C4BPA: variants seen among roughly 807,000 people sequenced by gnomAD.
C4BPA encodes the protein complement component 4 binding protein alpha.
Under a neutral mutation model 63.7 loss-of-function variants are expected in C4BPA, and 31 were observed. The observed-to-expected ratio is 0.49, with a 90% CI of 0.37 to 0.66. C4BPA has a LOEUF of 0.66. C4BPA is among the 30% of genes least tolerant of loss of function. C4BPA has a pLI of 0.00. For missense variants in C4BPA, 572 were observed against 723.3 expected, an observed-to-expected ratio of 0.79 and a Z score of 2.40; for synonymous variants, 259 against 254.7, an observed-to-expected ratio of 1.02 and a Z score of -0.16.
rs367987103 is a variant in C4BPA at position 207,144,139 on chromosome 1, G to A, written c.1620+146G>A. 5.6e-5 allele frequency: 35 copies of A among 621,646 alleles called. No homozygotes were observed. The East Asian group carries it at 6.6e-4, about 12-fold the overall frequency. The allele number at this position is 621,646 out of a possible 1,614,324, so 38.5% of individuals were successfully genotyped here. A position where few individuals can be genotyped will look rare whatever the true frequency, so the allele number is the denominator to read the frequency against. On this transcript the variant is annotated intron_variant, in intron 11 of 11. Coordinates refer to ENST00000367070, the MANE Select transcript of C4BPA (RefSeq NM_000715.4). ...ACTCCCACTCAAAGAAACTCTTTTT[G>A]TCTTGAAGCATTCTGGTAAGTTAGG...
chr1:207,133,419 A>G (rs779037764), intron 8 of C4BPA, among the ~76,000 whole-genome samples: 7 of 152,184 alleles, frequency 4.6e-5, no homozygotes, highest in East Asian at 1.9e-4. Context: ...AAGTATTTCT[A>G]CTAATGAATA....
chr1:207,110,686 A>G (rs1430813807), intron 1 of C4BPA, among the ~76,000 whole-genome samples: 1 of 152,218 alleles, frequency 6.6e-6, no homozygotes, highest in Non-Finnish European at 1.5e-5. Flanking sequence ...GAGTATAAAT[A>G]TATCCTTTTT....
intron 11 of C4BPA, 33 bp downstream of exon 11, chr1:207,144,026 G>T: frequency 6.6e-7 from 1 of 1,505,894 alleles, no homozygotes; most frequent in Non-Finnish European, 8.9e-7. Flanking sequence ...GTTCTGTGCT[G>T]TCGACCCCTA....
chr1:207,141,029 C>T, intron 9 of C4BPA, 77 bp from the exon 10 acceptor site: 5 of 1,162,472 alleles, frequency 4.3e-6, no homozygotes, highest in Non-Finnish European at 4.8e-6. Flanking sequence ...CTCCTACAAA[C>T]TACATGTATT....
intron 3 of C4BPA, among the ~76,000 whole-genome samples, chr1:207,115,055 C>T (rs1036691854): frequency 1.3e-5 from 2 of 152,172 alleles, no homozygotes; most frequent in Non-Finnish European, 2.9e-5. Flanking sequence ...TCAATACTTT[C>T]TCTTTTTTGT....
chr1:207,118,106 A>G (rs1190852176), intron 4 of C4BPA, among the ~76,000 whole-genome samples: 6 of 94,710 alleles, frequency 6.3e-5, no homozygotes, highest in Admixed American at 2.3e-4. Flanking sequence ...TATTGTAACT[A>G]GTTTATCTAT....
intron 4 of C4BPA, among the ~76,000 whole-genome samples, chr1:207,116,516 ATGTGTGTGTGTGTGTG>A (rs57449727): frequency 1.3e-5 from 1 of 79,918 alleles, no homozygotes; most frequent in Non-Finnish European, 3.0e-5. Context: ...GTGTGTGTAT[ATGTGTGTGTGTGTGTG>A]TGTGTGTGTG....
At chr1:207,136,500 C>G (rs1157739296) in intron 9 of C4BPA, among the ~76,000 whole-genome samples, 1 of 152,148 alleles carries the variant, frequency 6.6e-6, no homozygotes, top group Non-Finnish European at 1.5e-5. Context: ...GGACCTTGAC[C>G]AGACAAGCCA....
intron 9 of C4BPA, among the ~76,000 whole-genome samples, chr1:207,138,446 G>A (rs761162483): frequency 2.6e-5 from 4 of 152,148 alleles, no homozygotes; most frequent in Non-Finnish European, 5.9e-5. Context: ...TCAGGACCTG[G>A]TAGCATGCCA....
chr1:207,138,179 C>T (rs868158377), intron 9 of C4BPA, among the ~76,000 whole-genome samples: 45 of 152,308 alleles, frequency 3.0e-4, no homozygotes, highest in African/African-American at 9.6e-4. Context: ...TACTGGATAA[C>T]TGGTATAGCC....
chr1:207,139,280 T>C (rs1352949492), intron 9 of C4BPA, among the ~76,000 whole-genome samples: 1 of 152,200 alleles, frequency 6.6e-6, no homozygotes, highest in Admixed American at 6.5e-5. Flanking sequence ...TTTTCAGTGG[T>C]ATACTGTAGT....
chr1:207,118,397 C>A lies in C4BPA; in HGVS notation c.428+2882C>A, dbSNP rs548529555. On this transcript the variant is annotated intron_variant, in intron 4 of 11. Coordinates refer to ENST00000367070, the MANE Select transcript of C4BPA (RefSeq NM_000715.4). ...AAAGAGGTTTAATTTACTCACAGTT[C>A]CACATGGCTGGTAAGGCCTCAGGAA... Among the ~76,000 whole-genome samples, 4 of 152,286 alleles carry A rather than the reference C, an allele frequency of 2.6e-5. No homozygotes were observed. The East Asian group carries it at 7.7e-4, about 29-fold the overall frequency.
chr1:207,131,633 C>T lies in C4BPA; in HGVS notation c.977C>T (p.Thr326Ile). 1 of 1,613,426 alleles carries T rather than the reference C, an allele frequency of 6.2e-7. No homozygotes were observed. The highest frequency in any genetic ancestry group is 8.5e-7 in the Non-Finnish European group (1 of 1,179,436). ...PTKEDVYVVG[T>I]VLRYRCHPGY... ...AAAGAGGATGTGTATGTTGTTGGGA[C>T]TGTGTTAAGGTACCGCTGTCATCCT... is the stretch of plus-strand genomic sequence containing the variant. Residue 326 changes from threonine (T) to isoleucine (I), a missense_variant, in exon 8 of 12, where the codon ACT (threonine) becomes ATT (isoleucine). This residue lies in a region of C4BPA where 465 missense variants were observed against 629.4 expected (regional missense o/e 0.74). Coordinates refer to ENST00000367070, the MANE Select transcript of C4BPA (RefSeq NM_000715.4).
At chr1:207,120,469 T>C (rs1255650276) in intron 4 of C4BPA, among the ~76,000 whole-genome samples, 1 of 152,292 alleles carries the variant, frequency 6.6e-6, no homozygotes, top group East Asian at 1.9e-4. Flanking sequence ...CACTGAAGAC[T>C]TCCAAACTGA....
chr1:207,133,850 C>T (rs1302251775), intron 8 of C4BPA, among the ~76,000 whole-genome samples: 1 of 152,052 alleles, frequency 6.6e-6, no homozygotes, highest in African/African-American at 2.4e-5. Flanking sequence ...TGCTTTAGCT[C>T]TTAGGTGGAT....
Position 207,142,163 on chromosome 1 carries a change from T to C in C4BPA, c.1444+887T>C, listed in dbSNP as rs551372476. Among the ~76,000 whole-genome samples, 6 of 140,574 alleles carry C rather than the reference T, an allele frequency of 4.3e-5. 1 individual carries two copies. The South Asian group carries it at 1.4e-3, about 33-fold the overall frequency. The allele number at this position is 140,574 out of a possible 152,430, so 92.2% of individuals were successfully genotyped here. A position where few individuals can be genotyped will look rare whatever the true frequency, so the allele number is the denominator to read the frequency against. On this transcript the variant is annotated intron_variant, in intron 10 of 11. Coordinates refer to ENST00000367070, the MANE Select transcript of C4BPA (RefSeq NM_000715.4). ...CAACTCCCACTTATGAGTGAGAACA[T>C]GCAGTGTTTGGTTTTCTGATCTTGT...
chr1:207,129,701 C>G (rs1271672386), intron 7 of C4BPA, among the ~76,000 whole-genome samples: 1 of 152,130 alleles, frequency 6.6e-6, no homozygotes, highest in East Asian at 1.9e-4. Context: ...ATAAAAACCT[C>G]AACCAAGAAT....
intron 4 of C4BPA, among the ~76,000 whole-genome samples, chr1:207,121,042 A>G (rs1043165693): frequency 1.3e-5 from 2 of 152,196 alleles, no homozygotes; most frequent in Non-Finnish European, 2.9e-5. Flanking sequence ...ACCTGGGCTC[A>G]ATGGATTCTC....
intron 9 of C4BPA, among the ~76,000 whole-genome samples, chr1:207,134,927 A>G (rs1685246696): frequency 6.6e-6 from 1 of 152,170 alleles, no homozygotes; most frequent in South Asian, 2.1e-4. Flanking sequence ...AAATCTATTG[A>G]ATCTGCCTTT....
Sources: gnomAD v4.1 joint callset for allele counts (sites outside exome capture counted in the v4.1 genomes callset) on GRCh38, gnomAD v4.1.1 for gene constraint, gnomAD v4.1.1 regional missense constraint, MANE v1.5 for transcripts, NCBI Gene and HGNC (gene_info 2026-07-23, HGNC 2026-07-21) for gene names.